The following URM1 variants were observed in gnomAD, a reference collection of about 807,000 sequenced individuals.
URM1 encodes ubiquitin related modifier 1, also known as ubiquitin-related modifier 1.
In URM1, 11 loss-of-function variants were observed where a neutral mutation model predicts 17.7. That is an observed-to-expected ratio of 0.62 (90% confidence interval 0.39 to 1.03). The LOEUF (loss-of-function observed/expected upper bound fraction) is 1.03, where lower values mean the gene tolerates loss of function less well. Among genes scored for constraint, URM1 ranks in the 50% least tolerant of loss-of-function variants. The pLI, the probability that URM1 is intolerant of heterozygous loss-of-function variation, is 0.00. For missense variants in URM1, 128 were observed against 129.2 expected, an observed-to-expected ratio of 0.99 and a Z score of 0.04; for synonymous variants, 48 against 50.6, an observed-to-expected ratio of 0.95 and a Z score of 0.22.
Position 128,391,552 on chromosome 9 carries a change from A to G in URM1, c.*1818A>G, listed in dbSNP as rs999979341. 1.3e-5 allele frequency: 2 copies of G among 152,236 alleles called. No homozygotes were observed. Among genetic ancestry groups the G allele is most frequent in the African/African-American group, 4.8e-5 (2 of 41,432 alleles). The allele number at this position is 152,236 out of a possible 1,614,324, so 9.4% of individuals were successfully genotyped here. A position where few individuals can be genotyped will look rare whatever the true frequency, so the allele number is the denominator to read the frequency against. ...AACAGCTCCCTACAGCTGCACTTCTAGAAGGTCAGCCTGTCCGATTCTTGT... is the reference window on the plus strand; with the variant it reads ...AACAGCTCCCTACAGCTGCACTTCTGGAAGGTCAGCCTGTCCGATTCTTGT... On this transcript the variant is annotated 3_prime_UTR_variant, in exon 5 of 5. Transcript: ENST00000372853.
At chr9:128,388,227 AAAACGTAG>A in intron 3 of URM1, 1 of 1,161,296 alleles carries the variant, frequency 8.6e-7, no homozygotes, top group Non-Finnish European at 1.1e-6. Context: ...TGCTGAGGAA[AAAACGTAG>A]CTAGTACAAC....
intron 2 of URM1, among the ~76,000 whole-genome samples, chr9:128,380,130 A>G (rs370146654): frequency 1.3e-5 from 2 of 152,146 alleles, no homozygotes; most frequent in Admixed American, 1.3e-4. Flanking sequence ...AAAAAAATAC[A>G]TAAGCAGAAT....
At position 128,384,553 on chromosome 9, in the gene URM1, A is replaced by G. The variant is rs996143700; in HGVS notation, c.107-3263A>G. Among the ~76,000 whole-genome samples, 3 of 152,252 alleles carry G rather than the reference A, an allele frequency of 2.0e-5. 1 individual carries two copies. In the South Asian group the frequency reaches 6.2e-4, roughly 32 times the overall value. ...ACAGAAAACCCCAGCCGGTCCCAGC[A>G]CTATCTGATTAATGGTTGGCTCTAC... On this transcript the variant is annotated intron_variant, in intron 2 of 4. Transcript: ENST00000372853.
In URM1 at chr9:128,387,350, A is replaced by T. The variant is rs182473303; in HGVS notation, c.107-466A>T. 5.3e-4 allele frequency among the ~76,000 whole-genome samples: 81 copies of T among 152,304 alleles called. No homozygotes were observed. The highest frequency in any genetic ancestry group is 2.0e-3 in the Admixed American group (30 of 15,304). On this transcript the variant is annotated intron_variant, in intron 2 of 4. Transcript: ENST00000372853. The surrounding 1 kb of genome is among the most constrained non-coding windows in gnomAD (Gnocchi z 4.3). Reference sequence around the variant, plus strand: ...TTTTTCCCCTCACAAAGGGAAATATATGCAGACCCCTCCAAGAGCAAAGCC... The same window carrying T: ...TTTTTCCCCTCACAAAGGGAAATATTTGCAGACCCCTCCAAGAGCAAAGCC...
At chr9:128,378,132 C>T (rs760154188) in intron 2 of URM1, 26 bp downstream of exon 2, 5 of 1,534,498 alleles carry the variant, frequency 3.3e-6, no homozygotes, top group Non-Finnish European at 4.5e-6. Context: ...CTGAACCCCT[C>T]TCTTGGGGCC....
intron 1 of URM1, among the ~76,000 whole-genome samples, chr9:128,371,669 G>C (rs1359298685): frequency 1.3e-5 from 2 of 152,214 alleles, no homozygotes; most frequent in Non-Finnish European, 2.9e-5. Context: ...CTCCGCCGGA[G>C]TCGGAGGTCG....
At chr9:128,381,113 C>T (rs1005623559) in intron 2 of URM1, among the ~76,000 whole-genome samples, 15 of 152,058 alleles carry the variant, frequency 9.9e-5, no homozygotes, top group Non-Finnish European at 1.9e-4. Context: ...TGTGAGCCAC[C>T]GCGCCCAGCC....
At chr9:128,383,051 G>GGCAGGAGCT (rs1435610276) in intron 2 of URM1, among the ~76,000 whole-genome samples, 3 of 152,078 alleles carry the variant, frequency 2.0e-5, no homozygotes, top group Non-Finnish European at 2.9e-5. Flanking sequence ...GGTGAGGGAG[G>GGCAGGAGCT]GCAGGAGCTG....
intron 1 of URM1, 22 bp from the exon 2 acceptor site, chr9:128,378,014 T>A: frequency 6.2e-7 from 1 of 1,610,506 alleles, no homozygotes; most frequent in Non-Finnish European, 8.5e-7. Flanking sequence ...TGGCTGTCTT[T>A]TTCTCTGGTC....
intron 3 of URM1, chr9:128,388,326 C>T (rs894664993): frequency 5.9e-6 from 6 of 1,010,462 alleles, no homozygotes; most frequent in East Asian, 2.0e-4. Context: ...CAGTGCAGCA[C>T]GGGTCTAGAA....
rs182691757 is a variant in URM1, at chr9:128,382,371, C to A, written c.106+4265C>A. ...GCCTGGTGCTGCTAGGAGAGTCTTA[C>A]CCTTCCCCCAAGTCCATGCCCAGAT... On this transcript the variant is annotated intron_variant, in intron 2 of 4. Transcript: ENST00000372853. Among the ~76,000 whole-genome samples, 15 of 152,254 alleles carry A rather than the reference C, an allele frequency of 9.9e-5. No individual in the cohort carries two copies. In the East Asian group the frequency reaches 2.7e-3, roughly 28 times the overall value.
Position 128,389,846 on chromosome 9 carries a change from T to C in URM1, c.*112T>C. 1 of 1,443,066 alleles carries C rather than the reference T, an allele frequency of 6.9e-7. No homozygotes were observed. The highest frequency in any genetic ancestry group is 9.4e-7 in the Non-Finnish European group (1 of 1,059,132). 89.4% of individuals were successfully genotyped at this position (1,443,066 alleles called of 1,614,324 possible). ...CCCCCTTGCCTGCCTTCTTCCCTGCTCTGTCCCCTAAGCTCCCTCCAGGCA... is the reference window on the plus strand; with the variant it reads ...CCCCCTTGCCTGCCTTCTTCCCTGCCCTGTCCCCTAAGCTCCCTCCAGGCA... On this transcript the variant is annotated 3_prime_UTR_variant, in exon 5 of 5. Transcript: ENST00000372853.
In URM1 at chr9:128,389,805, T is replaced by C. The variant is rs543148115; in HGVS notation, c.*71T>C. On this transcript the variant is annotated 3_prime_UTR_variant, in exon 5 of 5. Transcript: ENST00000372853. ...AATCAGACATCCCCTTGGGCCCTGC[T>C]TCCAGGTCTCCCTGTCCCCCTTGCC... 31 of 1,598,698 alleles carry C rather than the reference T, an allele frequency of 1.9e-5. 1 individual carries two copies. In the East Asian group the frequency reaches 3.8e-4, roughly 20 times the overall value.
chr9:128,389,543 AT>A, intron 4 of URM1, 122 bp from the exon 5 acceptor site: 5 of 1,549,342 alleles, frequency 3.2e-6, no homozygotes, highest in Non-Finnish European at 4.4e-6. Context: ...TAGGATACCC[AT>A]TTTTCTGGTA....
At chr9:128,372,275 TGTGTGTGTGTGGAATAGGTAG>T (rs936646655) in intron 1 of URM1, among the ~76,000 whole-genome samples, 2 of 151,476 alleles carry the variant, frequency 1.3e-5, no homozygotes, top group East Asian at 3.9e-4. Context: ...GGGATGTGTG[TGTGTGTGTGTGGAATAGGTAG>T]GTGTGTGTGT....
intron 2 of URM1, among the ~76,000 whole-genome samples, chr9:128,379,672 C>G (rs926498345): frequency 1.3e-5 from 2 of 151,804 alleles, no homozygotes; most frequent in African/African-American, 2.4e-5. Context: ...TGGTGGCATG[C>G]GCCTGTAATC....
chr9:128,379,586 T>C lies in URM1; in HGVS notation c.106+1480T>C, dbSNP rs1436396546. 4.0e-5 allele frequency among the ~76,000 whole-genome samples: 6 copies of C among 151,744 alleles called. No individual in the cohort carries two copies. The East Asian group carries it at 1.2e-3, about 29-fold the overall frequency. On this transcript the variant is annotated intron_variant, in intron 2 of 4. Coordinates refer to ENST00000372853, the MANE Select transcript of URM1 (RefSeq NM_030914.4). The stretch of plus-strand genomic sequence containing the variant: ...AGGCCAAGGCGGGTGGATCACGAGG[T>C]CAGGAGTTCAACACTAGCCTGGCCA...
intron 2 of URM1, among the ~76,000 whole-genome samples, chr9:128,384,811 C>G (rs2131298346): frequency 6.6e-6 from 1 of 152,192 alleles, no homozygotes; most frequent in East Asian, 1.9e-4. Context: ...TTCCTATTAC[C>G]TAAGGTAATA....
chr9:128,391,556 G>A lies in URM1; in HGVS notation c.*1822G>A, dbSNP rs1833315399. ...GCTCCCTACAGCTGCACTTCTAGAA[G>A]GTCAGCCTGTCCGATTCTTGTAACC... On this transcript the variant is annotated 3_prime_UTR_variant, in exon 5 of 5. Coordinates refer to ENST00000372853, the MANE Select transcript of URM1 (RefSeq NM_030914.4). 6.6e-6 allele frequency: 1 copy of A among 152,258 alleles called. No individual in the cohort carries two copies. The highest frequency in any genetic ancestry group is 1.5e-5 in the Non-Finnish European group (1 of 68,112). The allele number at this position is 152,258 out of a possible 1,614,324, so 9.4% of individuals were successfully genotyped here. A position where few individuals can be genotyped will look rare whatever the true frequency, so the allele number is the denominator to read the frequency against.
Sources: gnomAD v4.1 joint callset for allele counts (sites outside exome capture counted in the v4.1 genomes callset) on GRCh38, gnomAD v4.1.1 for gene constraint, Gnocchi (gnomAD v3.1) non-coding constraint, MANE v1.5 for transcripts, NCBI Gene and HGNC (gene_info 2026-07-23, HGNC 2026-07-21) for gene names.